Variants in MID1 observed in about 807,000 individuals in gnomAD.
MID1 encodes the protein midline 1.
Under a neutral mutation model 40.4 loss-of-function variants are expected in MID1, and 7 were observed. The ratio of observed to expected loss-of-function variants is 0.17; its 90% confidence interval spans 0.10 to 0.33. The LOEUF is 0.33. Ranked by LOEUF, MID1 falls within the 10% of genes least tolerant of loss-of-function variation. MID1 has a pLI of 1.00. For missense variants in MID1, 367 were observed against 558.5 expected, an observed-to-expected ratio of 0.66 and a Z score of 3.46; for synonymous variants, 229 against 221.2, an observed-to-expected ratio of 1.04 and a Z score of -0.31.
chrX:10,598,546 C>T (rs1316196310), intron 1 of MID1, among the ~76,000 whole-genome samples: 1 of 112,245 alleles, frequency 8.9e-6, no homozygotes, highest in Admixed American at 9.4e-5. Flanking sequence ...GAACCCTTAA[C>T]TGCTGAGAAC....
chrX:10,508,266 A>G (rs1448083966), intron 3 of MID1, among the ~76,000 whole-genome samples: 1 of 112,443 alleles, frequency 8.9e-6, no homozygotes, highest in African/African-American at 3.2e-5. Flanking sequence ...GGCCACCACT[A>G]GCCACTTGTG....
At chrX:10,762,407 TCATCTTATGGACACATTTC>T (rs1387339165) in intron 1 of MID1, among the ~76,000 whole-genome samples, 6 of 111,262 alleles carry the variant, frequency 5.4e-5, no homozygotes, top group Admixed American at 1.9e-4. Flanking sequence ...GACACAAGTT[TCATCTTATGGACACATTTC>T]CATCTTATGG....
intron 2 of MID1, among the ~76,000 whole-genome samples, chrX:10,528,024 C>A (rs1932866241): frequency 9.0e-6 from 1 of 111,427 alleles, no homozygotes; most frequent in Non-Finnish European, 1.9e-5. Flanking sequence ...AGAGCCAAAT[C>A]AGAAAATATT....
Position 10,495,474 on chromosome X carries a change from T to A in MID1, c.864+110A>T. ...GTCTTAAAGACTTAAGAGGGAATTA[T>A]AGAATGTATAGAAAAAGAGGGTTCT... On this transcript the variant is annotated intron_variant, in intron 4 of 9. Transcript: ENST00000317552. 4.9e-6 allele frequency: 3 copies of A among 607,957 alleles called. No homozygotes were observed. The South Asian group carries it at 7.3e-5, about 15-fold the overall frequency. The allele number at this position is 607,957 out of a possible 1,213,427, so 50.1% of individuals were successfully genotyped here. A position where few individuals can be genotyped will look rare whatever the true frequency, so the allele number is the denominator to read the frequency against.
intron 2 of MID1, among the ~76,000 whole-genome samples, chrX:10,550,725 G>A (rs1364337156): frequency 8.9e-6 from 1 of 111,742 alleles, no homozygotes; most frequent in Non-Finnish European, 1.9e-5. Context: ...TGACATTTGG[G>A]GCTGGATGAC....
chrX:10,666,564 C>T (rs758159486), intron 1 of MID1, among the ~76,000 whole-genome samples: 1 of 111,716 alleles, frequency 9.0e-6, no homozygotes, highest in Admixed American at 9.5e-5. Flanking sequence ...TGGAGGTATA[C>T]TCAAGTGTTG....
chrX:10,497,438 G>A (rs977149276), intron 3 of MID1, among the ~76,000 whole-genome samples: 2 of 111,658 alleles, frequency 1.8e-5, no homozygotes, highest in African/African-American at 3.3e-5. Context: ...GTATCTGATT[G>A]GGTTCTTCAT....
intron 1 of MID1, among the ~76,000 whole-genome samples, chrX:10,722,508 T>C (rs1457896032): frequency 8.9e-6 from 1 of 112,294 alleles, no homozygotes; most frequent in Non-Finnish European, 1.9e-5. Flanking sequence ...TGATGAAAGC[T>C]ACAAAAAATA....
intron 2 of MID1, among the ~76,000 whole-genome samples, chrX:10,532,591 T>C (rs1018857141): frequency 2.7e-5 from 3 of 111,671 alleles, no homozygotes; most frequent in African/African-American, 9.8e-5. Context: ...CAGTTAAGAA[T>C]TACATGGTGA....
chrX:10,726,747 C>G (rs183709985), intron 1 of MID1, among the ~76,000 whole-genome samples: 2 of 112,634 alleles, frequency 1.8e-5, no homozygotes, highest in African/African-American at 6.4e-5. Context: ...GCGTCCTGGT[C>G]CTTGTAACCA....
chrX:10,602,874 C>T (rs1447842433), intron 1 of MID1, among the ~76,000 whole-genome samples: 1 of 111,882 alleles, frequency 8.9e-6, no homozygotes, highest in African/African-American at 3.3e-5. Context: ...CCAAGTGTTT[C>T]TCAAGGTGTG....
chrX:10,791,772 G>GGTATGCATGTGTGTGT (rs2043932861), intron 1 of MID1, among the ~76,000 whole-genome samples: 1 of 111,136 alleles, frequency 9.0e-6, no homozygotes, highest in Admixed American at 9.5e-5. Flanking sequence ...GTCATTGGGT[G>GGTATGCATGTGTGTGT]GTATGCATGT....
intron 1 of MID1, among the ~76,000 whole-genome samples, chrX:10,723,916 A>C (rs188718598): frequency 8.9e-6 from 1 of 112,736 alleles, no homozygotes; most frequent in Admixed American, 9.3e-5. Flanking sequence ...AACTTAAAGT[A>C]GCTAAAAAAT....
chrX:10,821,497 C>T (rs1169760819), intron 1 of MID1, among the ~76,000 whole-genome samples: 1 of 112,201 alleles, frequency 8.9e-6, no homozygotes, highest in African/African-American at 3.2e-5. Context: ...GTCACTCACC[C>T]GTTGGCTGGC....
At chrX:10,801,884 A>G (rs2044010306) in intron 1 of MID1, among the ~76,000 whole-genome samples, 1 of 112,167 alleles carries the variant, frequency 8.9e-6, no homozygotes, top group Non-Finnish European at 1.9e-5. Context: ...CTGTACAGCA[A>G]AAGAAACTAT....
intron 1 of MID1, among the ~76,000 whole-genome samples, chrX:10,636,770 C>T (rs1936115667): frequency 1.9e-5 from 1 of 52,912 alleles, no homozygotes; most frequent in African/African-American, 8.6e-5. Flanking sequence ...CAAACTGGGC[C>T]ATTCCAACAA....
chrX:10,642,083 C>T (rs145188175), intron 1 of MID1, among the ~76,000 whole-genome samples: 3,903 of 108,658 alleles, frequency 0.036, 73 homozygotes, highest in East Asian at 0.11. Context: ...AAAAACTGGA[C>T]GCATTCCCTT....
In MID1 at chrX:10,489,803, C is replaced by T. The variant is rs754239266; in HGVS notation, c.864+5781G>A. 5.1e-3 allele frequency among the ~76,000 whole-genome samples: 552 copies of T among 108,605 alleles called. 2 individuals are homozygous for T. The highest frequency in any genetic ancestry group is 7.6e-3 in the Non-Finnish European group (398 of 52,435). 94.3% of individuals were successfully genotyped at this position (108,605 alleles called of 115,157 possible). ...CTCCGCCTCCCGGATTCACGCCATT[C>T]TCCTGCCTCAGCCTCCTGAGTAGCT... On this transcript the variant is annotated intron_variant, in intron 4 of 9. Coordinates refer to ENST00000317552, the MANE Select transcript of MID1 (RefSeq NM_000381.4).
intron 1 of MID1, among the ~76,000 whole-genome samples, chrX:10,726,087 C>G (rs745417389): frequency 3.4e-4 from 38 of 111,509 alleles, no homozygotes; most frequent in Non-Finnish European, 5.6e-4. Context: ...GTAGGTAAGG[C>G]TGTGTAAATA....
Sources: gnomAD v4.1 joint callset for allele counts (sites outside exome capture counted in the v4.1 genomes callset) on GRCh38, gnomAD v4.1.1 for gene constraint, MANE v1.5 for transcripts, NCBI Gene and HGNC (gene_info 2026-07-23, HGNC 2026-07-21) for gene names.